NBEA: variants seen among roughly 807,000 people sequenced by gnomAD.
The protein encoded by NBEA is lysosomal-trafficking regulator 2.
In NBEA, 44 loss-of-function variants were observed where a neutral mutation model predicts 343.4. That is an observed-to-expected ratio of 0.13 (90% confidence interval 0.10 to 0.16). The LOEUF (loss-of-function observed/expected upper bound fraction) is 0.16. NBEA is among the 10% of genes least tolerant of loss of function. NBEA has a pLI of 1.00. For missense variants in NBEA, 2,555 were observed against 3,631.3 expected, an observed-to-expected ratio of 0.70 and a Z score of 7.62; for synonymous variants, 1,175 against 1,238.7, an observed-to-expected ratio of 0.95 and a Z score of 1.08.
chr13:34,984,158 T>C (rs2060463110), intron 1 of NBEA, among the ~76,000 whole-genome samples: 1 of 152,254 alleles, frequency 6.6e-6, no homozygotes, highest in African/African-American at 2.4e-5. Context: ...CTAGGGTTTT[T>C]ATGGTTTTAG....
chr13:35,191,709 A>G (rs1054500684), intron 30 of NBEA, among the ~76,000 whole-genome samples: 1 of 152,064 alleles, frequency 6.6e-6, no homozygotes, highest in African/African-American at 2.4e-5. Context: ...TAGTTTGCTT[A>G]TATTATTATT....
chr13:35,042,254 G>C (rs1391274483), intron 2 of NBEA, among the ~76,000 whole-genome samples: 1 of 151,620 alleles, frequency 6.6e-6, no homozygotes, highest in Non-Finnish European at 1.5e-5. Flanking sequence ...CTTTTTTTTA[G>C]AATGATTTAG....
chr13:35,563,664 C>T (rs2079991981), intron 44 of NBEA, among the ~76,000 whole-genome samples: 2 of 151,370 alleles, frequency 1.3e-5, no homozygotes, highest in Admixed American at 6.6e-5. Context: ...TGCTATAAAT[C>T]TCTGCTAATT....
intron 1 of NBEA, among the ~76,000 whole-genome samples, chr13:35,021,601 T>TA (rs1245701346): frequency 5.9e-5 from 9 of 152,102 alleles, no homozygotes; most frequent in Non-Finnish European, 1.2e-4. Context: ...ATTTTACACA[T>TA]ACTCTTGATT....
intron 35 of NBEA, among the ~76,000 whole-genome samples, chr13:35,303,098 G>C (rs929455071): frequency 6.6e-6 from 1 of 152,088 alleles, no homozygotes; most frequent in Non-Finnish European, 1.5e-5. Context: ...TAAATTTCCT[G>C]CAGGGCACAG....
intron 41 of NBEA, chr13:35,474,898 T>C: frequency 1.1e-6 from 1 of 876,674 alleles, no homozygotes; most frequent in South Asian, 1.9e-5. Context: ...TCTCCCCTTG[T>C]GGGGGTGGGT....
intron 31 of NBEA, among the ~76,000 whole-genome samples, chr13:35,198,824 G>A (rs891021713): frequency 6.6e-6 from 1 of 151,984 alleles, no homozygotes; most frequent in Non-Finnish European, 1.5e-5. Context: ...TGCACTGCAC[G>A]TAACTCAAGT....
At chr13:34,977,330 A>G (rs1000550280) in intron 1 of NBEA, among the ~76,000 whole-genome samples, 1 of 146,122 alleles carries the variant, frequency 6.8e-6, no homozygotes, top group Non-Finnish European at 1.5e-5. Context: ...TTTTTTTGAG[A>G]TGGAGTCTGT....
intron 13 of NBEA, among the ~76,000 whole-genome samples, chr13:35,112,249 T>C (rs1342154211): frequency 1.3e-5 from 2 of 152,142 alleles, no homozygotes; most frequent in African/African-American, 4.8e-5. Context: ...AAGTTATTTA[T>C]ACTCAGATCT....
chr13:35,013,474 C>CTT (rs200665719), intron 1 of NBEA, among the ~76,000 whole-genome samples: 3 of 144,504 alleles, frequency 2.1e-5, no homozygotes, highest in Non-Finnish European at 3.1e-5. Context: ...AAACATGTAT[C>CTT]TTTTTTTTTT....
chr13:35,323,277 C>T (rs1013494844), intron 36 of NBEA, among the ~76,000 whole-genome samples: 77 of 152,030 alleles, frequency 5.1e-4, no homozygotes, highest in Admixed American at 2.3e-3. Context: ...ATGTTTACTG[C>T]GGCATTATTC....
At position 35,451,360 on chromosome 13, in the gene NBEA, G is replaced by A. The variant is rs1374774548; in HGVS notation, c.6305-732G>A. On this transcript the variant is annotated intron_variant, in intron 39 of 58. Transcript: ENST00000379939. ...GGATGGTCTCATCTCCTGACCTCGT[G>A]ATCCGCCCACCTCGGCCTCCCAAAG... 2.6e-5 allele frequency among the ~76,000 whole-genome samples: 4 copies of A among 152,170 alleles called. No homozygotes were observed. In the East Asian group the frequency reaches 7.7e-4, roughly 29 times the overall value.
chr13:35,620,262 A>C (rs1399277164), intron 48 of NBEA, among the ~76,000 whole-genome samples: 2 of 152,058 alleles, frequency 1.3e-5, no homozygotes, highest in Non-Finnish European at 2.9e-5. Flanking sequence ...GTGGTAGAAA[A>C]TACCACTGCA....
At chr13:35,267,669 CA>C (rs772755511) in intron 34 of NBEA, among the ~76,000 whole-genome samples, 1 of 151,040 alleles carries the variant, frequency 6.6e-6, no homozygotes, top group Non-Finnish European at 1.5e-5. Context: ...AAAAAAAACT[CA>C]AAAAAGCACA....
chr13:34,954,719 T>C (rs1386866412), intron 1 of NBEA, among the ~76,000 whole-genome samples: 2 of 152,302 alleles, frequency 1.3e-5, no homozygotes, highest in East Asian at 3.9e-4. Flanking sequence ...ATGAATATCT[T>C]CTCATATACT....
chr13:35,095,833 A>G (rs1006968800), intron 10 of NBEA, among the ~76,000 whole-genome samples: 2 of 151,908 alleles, frequency 1.3e-5, no homozygotes, highest in African/African-American at 2.4e-5. Context: ...AGAATTTTCT[A>G]TGTTGTATTA....
intron 17 of NBEA, among the ~76,000 whole-genome samples, chr13:35,126,214 C>G (rs71438060): frequency 1.3e-5 from 2 of 152,126 alleles, no homozygotes; most frequent in Non-Finnish European, 2.9e-5. Context: ...TTCCCTCACT[C>G]CATCTTCCTG....
intron 34 of NBEA, among the ~76,000 whole-genome samples, chr13:35,239,574 A>G (rs931501559): frequency 6.6e-6 from 1 of 152,126 alleles, no homozygotes; most frequent in Non-Finnish European, 1.5e-5. Context: ...GGCGATCCAG[A>G]TATAAAATAG....
At chr13:35,246,676 C>G (rs1479664964) in intron 34 of NBEA, among the ~76,000 whole-genome samples, 1 of 152,168 alleles carries the variant, frequency 6.6e-6, no homozygotes, top group African/African-American at 2.4e-5. Context: ...AGCACCTGCT[C>G]CAATGAAGGT....
Sources: allele counts gnomAD v4.1 joint callset (sites outside exome capture counted in the v4.1 genomes callset), GRCh38; gene constraint gnomAD v4.1.1; transcripts MANE v1.5; gene names NCBI Gene and HGNC (gene_info 2026-07-23, HGNC 2026-07-21).